Variants in UBXN8 observed in about 807,000 individuals in gnomAD.
The protein encoded by UBXN8 is UBX domain protein 8, also known as UBX domain-containing protein 8.
A neutral mutation model predicts 32.1 loss-of-function variants in UBXN8; 27 were observed. That is an observed-to-expected ratio of 0.84 (90% CI 0.62 to 1.16). The LOEUF (loss-of-function observed/expected upper bound fraction) is 1.16, where lower values mean the gene tolerates loss of function less well. Among genes scored for constraint, UBXN8 ranks in the 50% most tolerant of loss-of-function variants. UBXN8 has a pLI of 0.00. For missense variants in UBXN8, 306 were observed against 311.4 expected (o/e 0.98, Z 0.13); for synonymous variants, 109 against 111.8 (o/e 0.98, Z 0.16).
chr8:30,736,030 A>C (rs1805063601), intron 1 of UBXN8, among the ~76,000 whole-genome samples: 1 of 152,246 alleles, frequency 6.6e-6, no homozygotes, highest in African/African-American at 2.4e-5. Flanking sequence ...TTGCTCAATA[A>C]AATTTTTCAT....
chr8:30,744,200 G>A lies in UBXN8; in HGVS notation c.11G>A (p.Arg4His), dbSNP rs1422035632. 1.2e-6 allele frequency: 2 copies of A among 1,613,492 alleles called. No homozygotes were observed. Among genetic ancestry groups the A allele is most frequent in the Non-Finnish European group, 8.5e-7 (1 of 1,179,728 alleles). MAS[R>H]GVVGIFFLSA... The stretch of plus-strand genomic sequence containing the variant: ...GGCGCTTCCGCCACCATGGCTTCAC[G>A]TGGGGTTGTTGGCATTTTCTTCCTC... The change falls in exon 1 of 8, where the codon CGT (arginine) becomes CAT (histidine). Residue 4 changes from arginine to histidine, a missense_variant. By Grantham distance (29) the Arg-to-His change is conservative. Transcript: ENST00000265616.
chr8:30,756,420 C>T (rs1805662103), intron 4 of UBXN8: 2 of 223,442 alleles, frequency 9.0e-6, no homozygotes, highest in East Asian at 1.0e-4. Flanking sequence ...GCTGTGATTA[C>T]AAGCGTGAGC....
chr8:30,739,944 C>G (rs187403599), upstream of UBXN8, among the ~76,000 whole-genome samples: 64 of 152,286 alleles, frequency 4.2e-4, no homozygotes, highest in African/African-American at 1.4e-3. Flanking sequence ...CTCTGTCGCC[C>G]AGGCTGGAGT....
chr8:30,731,577 C>T (rs552430439), upstream of UBXN8, among the ~76,000 whole-genome samples: 152 of 152,196 alleles, frequency 1.0e-3, no homozygotes, highest in African/African-American at 3.5e-3. Context: ...GTCATTATGA[C>T]CCTTACGGTC....
upstream of UBXN8, chr8:30,744,081 TTATTGACCCTCTCCC>T: frequency 1.1e-6 from 1 of 915,980 alleles, no homozygotes; most frequent in Non-Finnish European, 1.7e-6. Context: ...ATTTACCACG[TTATTGACCCTCTCCC>T]AGCCGGCCCG....
At position 30,763,329 on chromosome 8, in the gene UBXN8, G is replaced by C. The variant is rs993333530; in HGVS notation, c.627G>C (p.Leu209Phe). 8 of 1,613,780 alleles carry C rather than the reference G, an allele frequency of 5.0e-6. No homozygotes were observed. Among genetic ancestry groups the C allele is most frequent in the Non-Finnish European group, 6.8e-6 (8 of 1,179,680 alleles). Reference protein sequence around the residue: ...PSGNVLRRRFLKSYSSQVLFD... With the variant: ...PSGNVLRRRFFKSYSSQVLFD... Reference sequence around the variant, plus strand: ...GGAATGTCCTGAGGAGAAGGTTTTTGAAGTCCTACAGCTCACAGGTAAGTG... The same window carrying C: ...GGAATGTCCTGAGGAGAAGGTTTTTCAAGTCCTACAGCTCACAGGTAAGTG... The change falls in exon 7 of 8, where the codon TTG becomes TTC. Residue 209 changes from leucine (L) to phenylalanine (F), a missense_variant. Transcript: ENST00000265616.
At chr8:30,757,746 C>G in intron 5 of UBXN8, among the ~76,000 whole-genome samples, 1 of 150,710 alleles carries the variant, frequency 6.6e-6, no homozygotes, top group East Asian at 2.0e-4. Flanking sequence ...GTAATCCCAG[C>G]TACTCAGGAG....
chr8:30,760,086 G>T (rs1280857259), intron 5 of UBXN8, among the ~76,000 whole-genome samples: 4 of 144,852 alleles, frequency 2.8e-5, no homozygotes, highest in South Asian at 2.1e-4. Context: ...TTTTAAGATG[G>T]AGGCTTGCTC....
At chr8:30,731,421 T>C (rs1305831917), upstream of UBXN8, among the ~76,000 whole-genome samples, 1 of 152,180 alleles carries the variant, frequency 6.6e-6, no homozygotes, top group Admixed American at 6.5e-5. Context: ...ACTTGTACTG[T>C]AGGAAGACAT....
upstream of UBXN8, among the ~76,000 whole-genome samples, chr8:30,741,454 C>CTCTTT: frequency 8.6e-6 from 1 of 116,716 alleles, no homozygotes; most frequent in African/African-American, 3.5e-5. Flanking sequence ...AAGCAATGTT[C>CTCTTT]TTTTTTTTTT....
At chr8:30,748,347 T>A (rs1805421934) in intron 1 of UBXN8, among the ~76,000 whole-genome samples, 1 of 151,716 alleles carries the variant, frequency 6.6e-6, no homozygotes, top group African/African-American at 2.4e-5. Flanking sequence ...ACATCTGTGG[T>A]CCCAGCTACT....
chr8:30,753,138 G>C (rs776334073), intron 3 of UBXN8, 33 bp downstream of exon 3: 1 of 1,455,978 alleles, frequency 6.9e-7, no homozygotes, highest in Non-Finnish European at 9.0e-7. Context: ...TTTATGCGTA[G>C]AGAAATACAA....
At chr8:30,738,593 G>A (rs1298025710) in intron 1 of UBXN8, among the ~76,000 whole-genome samples, 11 of 144,818 alleles carry the variant, frequency 7.6e-5, no homozygotes, top group Admixed American at 3.4e-4. Flanking sequence ...TCTGGGAGGC[G>A]GAGCTTGCAG....
At chr8:30,737,173 T>C (rs1405924317) in intron 1 of UBXN8, among the ~76,000 whole-genome samples, 2 of 152,072 alleles carry the variant, frequency 1.3e-5, no homozygotes, top group Non-Finnish European at 2.9e-5. Flanking sequence ...TTCCATCAAC[T>C]CTGTCATTTC....
chr8:30,746,189 T>G (rs1805353044), intron 1 of UBXN8, among the ~76,000 whole-genome samples: 1 of 152,200 alleles, frequency 6.6e-6, no homozygotes, highest in Non-Finnish European at 1.5e-5. Flanking sequence ...CTTTATCTAG[T>G]TCTTGAAATT....
At chr8:30,752,962 C>T in intron 2 of UBXN8, 73 bp from the exon 3 acceptor site, 1 of 1,423,944 alleles carries the variant, frequency 7.0e-7, no homozygotes, top group Non-Finnish European at 9.2e-7. Context: ...TCTTTTGATA[C>T]ATTATTTGAT....
chr8:30,743,820 G>T (rs1171928373), upstream of UBXN8, among the ~76,000 whole-genome samples: 1 of 152,224 alleles, frequency 6.6e-6, no homozygotes, highest in African/African-American at 2.4e-5. Flanking sequence ...GGCCCAGGCT[G>T]CCTCCTCACA....
At chr8:30,744,815 G>A (rs916623041) in intron 1 of UBXN8, among the ~76,000 whole-genome samples, 1 of 152,198 alleles carries the variant, frequency 6.6e-6, no homozygotes, top group Non-Finnish European at 1.5e-5. Context: ...GAATATTTTA[G>A]GCAAAAAGAT....
At chr8:30,754,887 G>T in intron 4 of UBXN8, 100 bp downstream of exon 4, 10 of 1,309,746 alleles carry the variant, frequency 7.6e-6, no homozygotes, top group East Asian at 3.6e-5. Context: ...GCTTTTAGGA[G>T]TTTTTATTGA....
Sources: gnomAD v4.1 joint callset for allele counts (sites outside exome capture counted in the v4.1 genomes callset) on GRCh38, gnomAD v4.1.1 for gene constraint, MANE v1.5 for transcripts, NCBI Gene and HGNC (gene_info 2026-07-23, HGNC 2026-07-21) for gene names.